RSU1: variants seen among roughly 807,000 people sequenced by gnomAD.
The protein encoded by RSU1 is Ras suppressor protein 1, also known as rsu-1.
Under a neutral mutation model 31.1 loss-of-function variants are expected in RSU1, and 26 were observed. That is an observed-to-expected ratio of 0.84 (90% CI 0.61 to 1.16). The LOEUF is 1.16. Among genes scored for constraint, RSU1 ranks in the 50% most tolerant of loss-of-function variants. The pLI is 0.00. For missense variants in RSU1, 320 were observed against 339.1 expected (o/e 0.94, Z 0.44); for synonymous variants, 164 against 136.3 (o/e 1.20, Z -1.41).
At chr10:16,809,656 T>TA (rs897687885) in intron 2 of RSU1, among the ~76,000 whole-genome samples, 12 of 151,560 alleles carry the variant, frequency 7.9e-5, no homozygotes, top group South Asian at 2.1e-4. Flanking sequence ...TACGCTGAAT[T>TA]AAAAAAAAAG....
At chr10:16,730,559 T>C (rs1374261909) in intron 7 of RSU1, among the ~76,000 whole-genome samples, 1 of 152,162 alleles carries the variant, frequency 6.6e-6, no homozygotes, top group Non-Finnish European at 1.5e-5. Flanking sequence ...GCCCAGTAAA[T>C]ATCAGCTTAG....
At chr10:16,807,111 C>A (rs1355404683) in intron 2 of RSU1, among the ~76,000 whole-genome samples, 1 of 152,174 alleles carries the variant, frequency 6.6e-6, no homozygotes, top group African/African-American at 2.4e-5. Flanking sequence ...TTAAGAACAC[C>A]AAGTTACATA....
Position 16,753,773 on chromosome 10 carries a change from G to A in RSU1, c.401-773C>T, listed in dbSNP as rs554770263. Among the ~76,000 whole-genome samples, 10 of 152,120 alleles carry A rather than the reference G, an allele frequency of 6.6e-5. No individual in the cohort carries two copies. The South Asian group carries it at 1.2e-3, about 19-fold the overall frequency. On this transcript the variant is annotated intron_variant, in intron 5 of 8. Transcript: ENST00000345264. ...AATTAGATACATGTTTTGTTTACCC[G>A]TATTTATTTTTTAGAGACAGAGTCT...
chr10:16,777,475 T>G (rs528438075), intron 3 of RSU1, among the ~76,000 whole-genome samples: 3 of 152,250 alleles, frequency 2.0e-5, no homozygotes, highest in Admixed American at 2.0e-4. Context: ...ACCTTAAATG[T>G]GGTAAAAACT....
At chr10:16,769,522 A>T (rs1284252109) in intron 3 of RSU1, among the ~76,000 whole-genome samples, 1 of 152,178 alleles carries the variant, frequency 6.6e-6, no homozygotes, top group African/African-American at 2.4e-5. Context: ...TGGGTCTCAA[A>T]CCACAGAGAC....
rs76347620 is a variant in RSU1, at chr10:16,806,312, A to G, written c.109+10661T>C. Among the ~76,000 whole-genome samples, 1,452 of 152,312 alleles carry G rather than the reference A, an allele frequency of 9.5e-3. 26 individuals are homozygous for G. Among genetic ancestry groups the G allele is most frequent in the African/African-American group, 0.033 (1,363 of 41,550 alleles). The stretch of plus-strand genomic sequence containing the variant: ...CAGCATGCTCGCTGAATTAGCCGTT[A>G]TCTTCATCTCCTCCACAGGGTATGT... On this transcript the variant is annotated intron_variant, in intron 2 of 8. Transcript: ENST00000345264.
At chr10:16,662,116 G>A (rs901862370) in intron 8 of RSU1, among the ~76,000 whole-genome samples, 1 of 152,188 alleles carries the variant, frequency 6.6e-6, no homozygotes, top group African/African-American at 2.4e-5. Context: ...AAGTGGGCAG[G>A]AGAGACTGCA....
chr10:16,610,273 C>A (rs1035081209), intron 8 of RSU1, among the ~76,000 whole-genome samples: 1 of 152,184 alleles, frequency 6.6e-6, no homozygotes, highest in Non-Finnish European at 1.5e-5. Flanking sequence ...TATGCTACTG[C>A]ACAGCAGATA....
chr10:16,598,047 C>A (rs1397164778), intron 8 of RSU1, among the ~76,000 whole-genome samples: 6 of 152,210 alleles, frequency 3.9e-5, no homozygotes, highest in Non-Finnish European at 7.3e-5. Flanking sequence ...AGCCACGGGG[C>A]CTCAACTGGG....
At chr10:16,712,052 C>A (rs1836031662) in intron 7 of RSU1, among the ~76,000 whole-genome samples, 1 of 152,144 alleles carries the variant, frequency 6.6e-6, no homozygotes, top group South Asian at 2.1e-4. Context: ...ACAATATTCT[C>A]TTATTGAATT....
chr10:16,744,258 A>G (rs1439022415), intron 7 of RSU1, among the ~76,000 whole-genome samples: 1 of 152,232 alleles, frequency 6.6e-6, no homozygotes, highest in East Asian at 1.9e-4. Flanking sequence ...AGATGGATTT[A>G]TATAGCATAT....
chr10:16,740,363 G>A (rs1388982828), intron 7 of RSU1, among the ~76,000 whole-genome samples: 2 of 152,108 alleles, frequency 1.3e-5, no homozygotes, highest in East Asian at 3.9e-4. Context: ...ATCTGACAAG[G>A]TTTACACAAA....
chr10:16,735,151 C>T (rs916432336), intron 7 of RSU1, among the ~76,000 whole-genome samples: 1 of 152,212 alleles, frequency 6.6e-6, no homozygotes, highest in African/African-American at 2.4e-5. Flanking sequence ...CAAACTAATA[C>T]AGTTGGTCTC....
chr10:16,785,449 TACATATATACATATATATATAC>T (rs1213252651), intron 2 of RSU1, among the ~76,000 whole-genome samples: 1 of 139,458 alleles, frequency 7.2e-6, no homozygotes, highest in Non-Finnish European at 1.5e-5. Flanking sequence ...TACACATATA[TACATATATACATATATATATAC>T]ACATATATAC....
intron 3 of RSU1, among the ~76,000 whole-genome samples, chr10:16,768,171 C>T (rs1377908186): frequency 3.3e-5 from 5 of 152,196 alleles, no homozygotes; most frequent in Admixed American, 1.3e-4. Flanking sequence ...TAAAGAGCAA[C>T]GTGGTCCCTG....
chr10:16,616,371 CAAAAAAAA>C (rs529296931), intron 8 of RSU1, among the ~76,000 whole-genome samples: 2,393 of 91,004 alleles, frequency 0.026, 80 homozygotes, highest in African/African-American at 0.07. Context: ...GCCTACCAAC[CAAAAAAAA>C]AAAAAAAAAA....
intron 4 of RSU1, among the ~76,000 whole-genome samples, chr10:16,761,527 C>T (rs1439623046): frequency 6.6e-6 from 1 of 152,124 alleles, no homozygotes; most frequent in African/African-American, 2.4e-5. Flanking sequence ...CTGACAATTC[C>T]CAGGCCCCAG....
chr10:16,764,312 G>C, intron 4 of RSU1, 78 bp downstream of exon 4: 1 of 1,400,542 alleles, frequency 7.1e-7, no homozygotes, highest in Non-Finnish European at 9.5e-7. Flanking sequence ...AATATAAAAG[G>C]AATCCCTCCC....
intron 3 of RSU1, among the ~76,000 whole-genome samples, chr10:16,768,985 G>A (rs1008722148): frequency 1.3e-4 from 20 of 152,256 alleles, no homozygotes; most frequent in African/African-American, 3.9e-4. Flanking sequence ...ATGTATCTAC[G>A]GCCATCGGTA....
Sources: gnomAD v4.1 joint callset for allele counts (sites outside exome capture counted in the v4.1 genomes callset) on GRCh38, gnomAD v4.1.1 for gene constraint, MANE v1.5 for transcripts, NCBI Gene and HGNC (gene_info 2026-07-23, HGNC 2026-07-21) for gene names.